PTPRU: variants seen among roughly 807,000 people sequenced by gnomAD.
The protein encoded by PTPRU is receptor-type tyrosine-protein phosphatase U.
Under a neutral mutation model 166.3 loss-of-function variants are expected in PTPRU, and 69 were observed. The observed-to-expected ratio is 0.41, with a 90% CI of 0.34 to 0.51. The LOEUF (loss-of-function observed/expected upper bound fraction) is 0.51, where lower values mean the gene tolerates loss of function less well. Ranked by LOEUF, PTPRU falls within the 20% of genes least tolerant of loss-of-function variation. PTPRU has a pLI of 0.09. For synonymous variants in PTPRU, 793 were observed against 814.0 expected, an observed-to-expected ratio of 0.97 and a Z score of 0.44; for missense variants, 1,657 against 2,013.7, an observed-to-expected ratio of 0.82 and a Z score of 3.39.
rs895376958 is a variant in PTPRU at position 29,279,166 on chromosome 1, G to A, written c.1563+45G>A. ...ACAGTGGGGGACCCTGGTGGAAGGTGAGAGGTGGCCCTCTTTCTCTCTGCT... is the reference window on the plus strand; with the variant it reads ...ACAGTGGGGGACCCTGGTGGAAGGTAAGAGGTGGCCCTCTTTCTCTCTGCT... On this transcript the variant is annotated intron_variant, in intron 9 of 29. Coordinates refer to ENST00000373779, the MANE Select transcript of PTPRU (RefSeq NM_133178.4). The surrounding 1 kb of genome is among the most constrained non-coding windows in gnomAD (Gnocchi z 5.2). 9.6e-6 allele frequency: 14 copies of A among 1,455,436 alleles called. No homozygotes were observed. The highest frequency in any genetic ancestry group is 1.3e-5 in the Non-Finnish European group (14 of 1,059,914). The allele number at this position is 1,455,436 out of a possible 1,614,324, so 90.2% of individuals were successfully genotyped here. A position where few individuals can be genotyped will look rare whatever the true frequency, so the allele number is the denominator to read the frequency against.
intron 2 of PTPRU, among the ~76,000 whole-genome samples, chr1:29,255,817 C>T (rs1033954853): frequency 6.6e-6 from 1 of 152,216 alleles, no homozygotes; most frequent in Non-Finnish European, 1.5e-5. Flanking sequence ...AACACTGGGA[C>T]TAGATGTGTA....
At position 29,315,270 on chromosome 1, in the gene PTPRU, C is replaced by T; in HGVS notation, c.3228-102C>T. ...GCAGTCATCTCTGTGTCCGTGTCCCCTGTATGGTGTAGACATGGCCAGTGC... is the reference window on the plus strand; with the variant it reads ...GCAGTCATCTCTGTGTCCGTGTCCCTTGTATGGTGTAGACATGGCCAGTGC... On this transcript the variant is annotated intron_variant, in intron 22 of 29. Transcript: ENST00000373779. The surrounding 1 kb of genome is among the most constrained non-coding windows in gnomAD (Gnocchi z 4.5). 5 of 1,453,614 alleles carry T rather than the reference C, an allele frequency of 3.4e-6. No individual in the cohort carries two copies. The highest frequency in any genetic ancestry group is 2.4e-5 in the South Asian group (2 of 82,468). 90.0% of individuals were successfully genotyped at this position (1,453,614 alleles called of 1,614,324 possible). A position where few individuals can be genotyped will look rare whatever the true frequency, so the allele number is the denominator to read the frequency against.
rs538583838 is a variant in PTPRU, at chr1:29,271,752, G to A, written c.1145-3696G>A. Among the ~76,000 whole-genome samples the A allele has an allele frequency of 2.2e-4, 33 of 152,312 alleles. No homozygotes were observed. The highest frequency in any genetic ancestry group is 7.7e-4 in the East Asian group (4 of 5,190). ...ATGGGACACTACTGTCCTGTTTGCC[G>A]TGGTCTTTACCCAGCATACGTCCCC... is the stretch of plus-strand genomic sequence containing the variant. On this transcript the variant is annotated intron_variant, in intron 7 of 29. Transcript: ENST00000373779. This position sits in a 1 kb window ranked among gnomAD's most constrained non-coding sequence, Gnocchi z 4.4.
In PTPRU at chr1:29,258,798, G is replaced by T. The variant is rs528086411; in HGVS notation, c.477+22G>T. ...TCAGGTGGGCTGGGTTCAGTCAGCG[G>T]TCAGCCTGTGCCTGGAGGTGGGGCA... On this transcript the variant is annotated intron_variant, in intron 3 of 29. Transcript: ENST00000373779. 5.7e-5 allele frequency: 89 copies of T among 1,550,302 alleles called. No individual in the cohort carries two copies. In the East Asian group the frequency reaches 1.7e-3, roughly 30 times the overall value.
chr1:29,284,078 G>A (rs1363289394), intron 13 of PTPRU, 102 bp downstream of exon 13: 64 of 1,468,638 alleles, frequency 4.4e-5, no homozygotes, highest in Non-Finnish European at 6.0e-5. Flanking sequence ...GAGTAGAGGA[G>A]GGTGGTTGGG....
chr1:29,286,583 G>A (rs1165233876), intron 14 of PTPRU, among the ~76,000 whole-genome samples: 3 of 152,100 alleles, frequency 2.0e-5, no homozygotes, highest in Non-Finnish European at 1.5e-5. Context: ...CCCCAGCAGG[G>A]GGCCTGAGAA....
intron 7 of PTPRU, among the ~76,000 whole-genome samples, chr1:29,274,244 T>C (rs1685697544): frequency 6.6e-6 from 1 of 151,798 alleles, no homozygotes. Flanking sequence ...CTTCACCATA[T>C]TGGCCAGGCT....
intron 14 of PTPRU, chr1:29,289,791 CT>C: frequency 6.6e-7 from 1 of 1,520,760 alleles, no homozygotes; most frequent in Non-Finnish European, 9.0e-7. Flanking sequence ...TCTGGTTGGG[CT>C]TAGTCTCGCT....
intron 22 of PTPRU, 114 bp downstream of exon 22, chr1:29,312,820 T>G: frequency 7.4e-7 from 1 of 1,345,778 alleles, no homozygotes; most frequent in Middle Eastern, 2.6e-4. Flanking sequence ...TTCTCCTGCT[T>G]AGAGATGGAG....
intron 1 of PTPRU, among the ~76,000 whole-genome samples, chr1:29,253,517 G>A (rs1684644309): frequency 6.6e-6 from 1 of 152,012 alleles, no homozygotes; most frequent in African/African-American, 2.4e-5. Flanking sequence ...GAGGCCTAAA[G>A]TGTCCAACAT....
Position 29,320,848 on chromosome 1 carries a change from C to T in PTPRU, c.3828+23C>T, listed in dbSNP as rs1410082832. 1 of 1,533,564 alleles carries T rather than the reference C, an allele frequency of 6.5e-7. No individual in the cohort carries two copies. Among genetic ancestry groups the T allele is most frequent in the Non-Finnish European group, 8.8e-7 (1 of 1,132,416 alleles). 95.0% of individuals were successfully genotyped at this position (1,533,564 alleles called of 1,614,324 possible). A position where few individuals can be genotyped will look rare whatever the true frequency, so the allele number is the denominator to read the frequency against. On this transcript the variant is annotated intron_variant, in intron 26 of 29. Transcript: ENST00000373779. This position sits in a 1 kb window ranked among gnomAD's most constrained non-coding sequence, Gnocchi z 5.2. The stretch of plus-strand genomic sequence containing the variant: ...TGGGTGAGGCCTCCACTGGCCAGGC[C>T]AATGGGCCGCCTGCTCCCAGGTCCT...
At chr1:29,304,896 G>A (rs781312205) in intron 17 of PTPRU, 47 bp downstream of exon 17, 45 of 1,511,120 alleles carry the variant, frequency 3.0e-5, no homozygotes, top group Non-Finnish European at 3.8e-5. Context: ...GGGTGGGAGG[G>A]CATCAGGAGG....
rs1686020491 is a variant in PTPRU, at chr1:29,280,604, G to C, written c.1868+463G>C. ...CCCAGAGGAAGCTGGGCTTGCTGGT[G>C]CCGTGGTGGCTGCCTCTGCTGGGGA... On this transcript the variant is annotated intron_variant, in intron 11 of 29. Transcript: ENST00000373779. The surrounding 1 kb of genome is among the most constrained non-coding windows in gnomAD (Gnocchi z 4.2). Among the ~76,000 whole-genome samples, 5 of 152,124 alleles carry C rather than the reference G, an allele frequency of 3.3e-5. No homozygotes were observed. Among genetic ancestry groups the C allele is most frequent in the Non-Finnish European group, 7.3e-5 (5 of 68,028 alleles).
At chr1:29,266,279 A>G (rs1263392741) in intron 7 of PTPRU, among the ~76,000 whole-genome samples, 1 of 152,044 alleles carries the variant, frequency 6.6e-6, no homozygotes, top group Non-Finnish European at 1.5e-5. Context: ...GATTACAGGC[A>G]TGAGCCACCG....
rs1687849548 is a variant in PTPRU at position 29,315,312 on chromosome 1, C to T, written c.3228-60C>T. The T allele has an allele frequency of 6.2e-7, 1 of 1,605,474 alleles. No homozygotes were observed. ...GGCCAGTGCCCTCCTCTCTTCTTCT[C>T]CTTAGTCCCGGGCTTCCTCCCCAAA... On this transcript the variant is annotated intron_variant, in intron 22 of 29. Transcript: ENST00000373779. This position sits in a 1 kb window ranked among gnomAD's most constrained non-coding sequence, Gnocchi z 4.5.
At chr1:29,249,286 C>T (rs979057961) in intron 1 of PTPRU, among the ~76,000 whole-genome samples, 1 of 152,268 alleles carries the variant, frequency 6.6e-6, no homozygotes, top group Non-Finnish European at 1.5e-5. Flanking sequence ...AGCTCTGCCC[C>T]TTACATCACC....
intron 7 of PTPRU, among the ~76,000 whole-genome samples, chr1:29,272,085 G>C (rs920540279): frequency 6.6e-6 from 1 of 152,184 alleles, no homozygotes. Context: ...AATAACGCGA[G>C]GACCTCTGGG....
In PTPRU at chr1:29,323,353, C is replaced by T; in HGVS notation, c.3829-18C>T. The T allele has an allele frequency of 6.2e-7, 1 of 1,602,274 alleles. No individual in the cohort carries two copies. Among genetic ancestry groups the T allele is most frequent in the Non-Finnish European group, 8.5e-7 (1 of 1,174,858 alleles). On this transcript the variant is annotated intron_variant, in intron 26 of 29. Coordinates refer to ENST00000373779, the MANE Select transcript of PTPRU (RefSeq NM_133178.4). Reference sequence around the variant, plus strand: ...GCCAGGCTCTACTCAGCTCTCCCCTCTCCGTGCTTATGCCCAGCCCTGCCT... The same window carrying T: ...GCCAGGCTCTACTCAGCTCTCCCCTTTCCGTGCTTATGCCCAGCCCTGCCT...
At chr1:29,268,051 T>C (rs7550930) in intron 7 of PTPRU, among the ~76,000 whole-genome samples, 98,823 of 152,100 alleles carry the variant, frequency 0.65, 33,064 homozygotes, top group East Asian at 0.8. Flanking sequence ...GCAGCAGGAA[T>C]GATGGAGCTG....
Sources: gnomAD v4.1 joint callset for allele counts (sites outside exome capture counted in the v4.1 genomes callset) on GRCh38, gnomAD v4.1.1 for gene constraint, Gnocchi (gnomAD v3.1) non-coding constraint, MANE v1.5 for transcripts, NCBI Gene and HGNC (gene_info 2026-07-23, HGNC 2026-07-21) for gene names.